RYR2: variants seen among roughly 807,000 people sequenced by gnomAD.
RYR2 encodes ryanodine receptor 2, also known as cardiac muscle ryanodine receptor-calcium release channel.
RYR2 carries 227 observed loss-of-function variants against 601.1 expected under a neutral mutation model. That is an observed-to-expected ratio of 0.38 (90% CI 0.34 to 0.42). The LOEUF is 0.42. Among genes scored for constraint, RYR2 ranks in the 10% least tolerant of loss-of-function variants. The pLI is 1.00. For missense variants in RYR2, 4,646 were observed against 6,156.5 expected, an observed-to-expected ratio of 0.75 and a Z score of 8.21; for synonymous variants, 2,223 against 2,175.1, an observed-to-expected ratio of 1.02 and a Z score of -0.61.
intron 24 of RYR2, among the ~76,000 whole-genome samples, chr1:237,525,279 G>A (rs559930903): frequency 6.6e-6 from 1 of 152,184 alleles, no homozygotes; most frequent in African/African-American, 2.4e-5. Context: ...CCATGTTGCT[G>A]CAAGAAGGAC....
chr1:237,423,290 G>A (rs368352932), intron 12 of RYR2, 42 bp downstream of exon 12: 98 of 1,584,540 alleles, frequency 6.2e-5, no homozygotes, highest in Admixed American at 3.8e-4. Flanking sequence ...AATGTTACCC[G>A]GTCATATTTC....
chr1:237,654,181 A>T, intron 51 of RYR2, 93 bp from the exon 52 acceptor site: 1 of 1,463,728 alleles, frequency 6.8e-7, no homozygotes, highest in Non-Finnish European at 9.3e-7. Flanking sequence ...ATGACCTTAT[A>T]ATGTAGCATT....
chr1:237,202,286 CTT>C (rs1681277318), intron 1 of RYR2, among the ~76,000 whole-genome samples: 1 of 152,136 alleles, frequency 6.6e-6, no homozygotes, highest in Non-Finnish European at 1.5e-5. Context: ...ATTGCAGTCT[CTT>C]TTTCTACCTC....
In RYR2 at chr1:237,148,606, G is replaced by A. The variant is rs1462579142; in HGVS notation, c.48+106037G>A. 4.1e-5 allele frequency among the ~76,000 whole-genome samples: 6 copies of A among 144,820 alleles called. No homozygotes were observed. In the East Asian group the frequency reaches 1.2e-3, roughly 29 times the overall value. On this transcript the variant is annotated intron_variant, in intron 1 of 104. Coordinates refer to ENST00000366574, the MANE Select transcript of RYR2 (RefSeq NM_001035.3). ...CACACATATATATATATGTGCATGT[G>A]GTATGGTTATTGTAAACACAAGTTT...
chr1:237,827,425 A>G (rs1238316756), intron 101 of RYR2, among the ~76,000 whole-genome samples: 4 of 152,098 alleles, frequency 2.6e-5, no homozygotes, highest in Non-Finnish European at 2.9e-5. Context: ...GCTTGAGCCC[A>G]GGAGTTTGAG....
At chr1:237,197,166 A>G (rs532094847) in intron 1 of RYR2, among the ~76,000 whole-genome samples, 10 of 152,318 alleles carry the variant, frequency 6.6e-5, no homozygotes, top group East Asian at 1.9e-4. Flanking sequence ...GAAAGATTCC[A>G]TAGCCAATCA....
intron 82 of RYR2, among the ~76,000 whole-genome samples, chr1:237,759,216 A>G (rs1558356293): frequency 6.6e-6 from 1 of 152,122 alleles, no homozygotes; most frequent in Admixed American, 6.5e-5. Context: ...CCTCCCGAGT[A>G]GCTGGGACTA....
intron 26 of RYR2, among the ~76,000 whole-genome samples, chr1:237,549,628 CTTTTT>C (rs57579159): frequency 7.7e-5 from 6 of 77,710 alleles, no homozygotes; most frequent in African/African-American, 2.1e-4. Context: ...CCATAGCTTT[CTTTTT>C]TTTTTTTTTT....
At chr1:237,526,541 C>T (rs1388177642) in intron 24 of RYR2, among the ~76,000 whole-genome samples, 1 of 152,046 alleles carries the variant, frequency 6.6e-6, no homozygotes, top group Non-Finnish European at 1.5e-5. Flanking sequence ...GAGACAGAGT[C>T]TCCCTATGTT....
At chr1:237,193,869 TC>T (rs1227272210) in intron 1 of RYR2, among the ~76,000 whole-genome samples, 2 of 152,106 alleles carry the variant, frequency 1.3e-5, no homozygotes, top group Admixed American at 6.6e-5. Flanking sequence ...TCACTTTTTT[TC>T]CTCACTGCAT....
intron 1 of RYR2, among the ~76,000 whole-genome samples, chr1:237,192,805 GCTT>G (rs1218987207): frequency 2.0e-5 from 3 of 152,108 alleles, no homozygotes; most frequent in Non-Finnish European, 2.9e-5. Flanking sequence ...ATTTAAATGT[GCTT>G]CTTCAATTAA....
intron 1 of RYR2, among the ~76,000 whole-genome samples, chr1:237,063,009 T>C (rs1663076995): frequency 6.6e-6 from 1 of 152,274 alleles, no homozygotes; most frequent in Non-Finnish European, 1.5e-5. Flanking sequence ...ACCCCCAAAA[T>C]TCTTATGTTG....
intron 1 of RYR2, among the ~76,000 whole-genome samples, chr1:237,117,613 CTCTTCTCTTTTCTCTCTTCTCTTCT>C (rs1670222916): frequency 2.0e-5 from 3 of 151,320 alleles, no homozygotes; most frequent in Admixed American, 1.3e-4. Flanking sequence ...TCTCTTCTTT[CTCTTCTCTTTTCTCTCTTCTCTTCT>C]TTCTCTTCTC....
intron 17 of RYR2, among the ~76,000 whole-genome samples, chr1:237,480,588 G>A (rs1249257259): frequency 4.6e-5 from 6 of 131,460 alleles, no homozygotes; most frequent in African/African-American, 2.2e-4. Context: ...TCTATAGTTT[G>A]TCTATTTTTT....
chr1:237,737,060 C>T (rs1338728459), intron 79 of RYR2, among the ~76,000 whole-genome samples: 1 of 152,136 alleles, frequency 6.6e-6, no homozygotes, highest in Non-Finnish European at 1.5e-5. Context: ...GTGGGCTGAA[C>T]AGGTAGAAGC....
At position 237,242,198 on chromosome 1, in the gene RYR2, T is replaced by TTTTTTTTTTTG. The variant is rs928421124; in HGVS notation, c.49-28296_49-28295insTTTTTTTGTTT. Among the ~76,000 whole-genome samples, 3 of 150,494 alleles carry TTTTTTTTTTTG rather than the reference T, an allele frequency of 2.0e-5. 1 individual carries two copies. The highest frequency in any genetic ancestry group is 7.4e-5 in the African/African-American group (3 of 40,754). The stretch of plus-strand genomic sequence containing the variant: ...TAAACAGTATTTTGATCACTGTTTT[T>TTTTTTTTTTTG]TTTGTTTGTTTGTTTGTTTGTTTGT... On this transcript the variant is annotated intron_variant, in intron 1 of 104. Coordinates refer to ENST00000366574, the MANE Select transcript of RYR2 (RefSeq NM_001035.3).
intron 25 of RYR2, among the ~76,000 whole-genome samples, chr1:237,539,795 G>A (rs777660641): frequency 5.9e-5 from 9 of 152,090 alleles, no homozygotes; most frequent in African/African-American, 9.7e-5. Context: ...CATGGCACAC[G>A]TTTACCTATG....
chr1:237,605,737 A>G (rs1004585798), intron 35 of RYR2, among the ~76,000 whole-genome samples: 9 of 152,116 alleles, frequency 5.9e-5, no homozygotes, highest in African/African-American at 1.7e-4. Context: ...TACAAAATCA[A>G]TGTGCAAAAA....
chr1:237,675,601 G>A (rs1009093252), intron 60 of RYR2, among the ~76,000 whole-genome samples: 4 of 152,050 alleles, frequency 2.6e-5, no homozygotes, highest in East Asian at 1.9e-4. Flanking sequence ...TTTCATTTTC[G>A]TTCTCGACGT....
Sources: gnomAD v4.1 joint callset for allele counts (sites outside exome capture counted in the v4.1 genomes callset) on GRCh38, gnomAD v4.1.1 for gene constraint, MANE v1.5 for transcripts, NCBI Gene and HGNC (gene_info 2026-07-23, HGNC 2026-07-21) for gene names.